Variants in EIF4B observed in about 807,000 individuals in gnomAD.
EIF4B encodes the protein eukaryotic translation initiation factor 4B.
In EIF4B, 8 loss-of-function variants were observed where a neutral mutation model predicts 79.3. That is an observed-to-expected ratio of 0.10 (90% confidence interval 0.06 to 0.18). The LOEUF is 0.18. Among genes scored for constraint, EIF4B ranks in the 10% least tolerant of loss-of-function variants. The pLI is 1.00. For missense variants in EIF4B, 515 were observed against 792.4 expected (o/e 0.65, Z 4.20); for synonymous variants, 238 against 274.7 (o/e 0.87, Z 1.32).
intron 8 of EIF4B, among the ~76,000 whole-genome samples, chr12:53,033,298 C>A (rs979013358): frequency 7.9e-5 from 12 of 151,096 alleles, no homozygotes; most frequent in Non-Finnish European, 1.3e-4. Context: ...GGATTACAGA[C>A]GTGAGCCACC....
At position 53,016,385 on chromosome 12, in the gene EIF4B, T is replaced by C; in HGVS notation, c.14-88T>C. 7 of 1,536,106 alleles carry C rather than the reference T, an allele frequency of 4.6e-6. No homozygotes were observed. In the East Asian group the frequency reaches 9.3e-5, roughly 21 times the overall value. ...TTGAGGAGCGTCCATGTTATTTCTT[T>C]CTAAATAATGTTTTACAATATTGCA... On this transcript the variant is annotated intron_variant, in intron 1 of 14. Coordinates refer to ENST00000262056, the MANE Select transcript of EIF4B (RefSeq NM_001417.7).
At chr12:53,016,057 G>C (rs1184716168) in intron 1 of EIF4B, among the ~76,000 whole-genome samples, 1 of 151,626 alleles carries the variant, frequency 6.6e-6, no homozygotes, top group East Asian at 1.9e-4. Flanking sequence ...CTTCAAAACT[G>C]CCATACTGAA....
At chr12:53,016,326 G>A in intron 1 of EIF4B, 147 bp from the exon 2 acceptor site, 1 of 1,017,044 alleles carries the variant, frequency 9.8e-7, no homozygotes, top group Non-Finnish European at 1.4e-6. Flanking sequence ...TGTCTGCATA[G>A]TACCCCTTCA....
intron 2 of EIF4B, 69 bp from the exon 3 acceptor site, chr12:53,018,729 G>A: frequency 6.4e-7 from 1 of 1,566,484 alleles, no homozygotes; most frequent in Non-Finnish European, 8.8e-7. Flanking sequence ...ATTAACATGG[G>A]TCCTCTTGTT....
chr12:53,038,369 G>T lies in EIF4B; in HGVS notation c.1534G>T (p.Val512Leu). The T allele has an allele frequency of 6.3e-7, 1 of 1,597,628 alleles. No individual in the cohort carries two copies. The highest frequency in any genetic ancestry group is 8.5e-7 in the Non-Finnish European group (1 of 1,171,548). The stretch of plus-strand genomic sequence containing the variant: ...TTTTCCTTCTAGTGGTGGGGGAAAA[G>T]TAGCTCCAGCTCAACCATCTGAGGA... Reference protein sequence around the residue: ...QQSPTSGGGKVAPAQPSEEGP... With the variant: ...QQSPTSGGGKLAPAQPSEEGP... Residue 512 changes from valine to leucine, a missense_variant, in exon 12 of 15, where the codon GTA becomes TTA. Val to Leu is a conservative substitution (Grantham distance 32). This residue lies in a region of EIF4B where 146 missense variants were observed against 228.0 expected (regional missense o/e 0.64). Transcript: ENST00000262056.
rs71095966 is a variant in EIF4B, at chr12:53,019,450, C to CTTTTTTTTTTTTTTTTTTTTTTTTTTT, written c.361-436_361-435insTTTTTTTTTTTTTTTTTTTTTTTTTTT. 7.6e-5 allele frequency among the ~76,000 whole-genome samples: 5 copies of CTTTTTTTTTTTTTTTTTTTTTTTTTTT among 66,002 alleles called. 1 individual carries two copies. The highest frequency in any genetic ancestry group is 1.6e-4 in the Non-Finnish European group (5 of 31,884). The allele number at this position is 66,002 out of a possible 152,430, so 43.3% of individuals were successfully genotyped here. A position where few individuals can be genotyped will look rare whatever the true frequency, so the allele number is the denominator to read the frequency against. ...ATATATATATATATTTTTTTTTTTT[C>CTTTTTTTTTTTTTTTTTTTTTTTTTTT]TTTTTTTTTTTTTTTTTTTTTTTTG... On this transcript the variant is annotated intron_variant, in intron 3 of 14. Transcript: ENST00000262056.
intron 1 of EIF4B, among the ~76,000 whole-genome samples, chr12:53,007,519 T>C (rs1187115721): frequency 6.6e-6 from 1 of 151,660 alleles, no homozygotes; most frequent in Non-Finnish European, 1.5e-5. Flanking sequence ...TGCTTACTTC[T>C]TTAGACAACC....
At chr12:53,027,323 G>A (rs4919717) in intron 6 of EIF4B, among the ~76,000 whole-genome samples, 120,042 of 150,212 alleles carry the variant, frequency 0.8, 50,278 homozygotes, top group Non-Finnish European at 0.93. Context: ...TAGTAGAGAC[G>A]GGGTTTCACC....
chr12:53,041,530 G>A lies in EIF4B; in HGVS notation c.*1307G>A, dbSNP rs370797475. On this transcript the variant is annotated 3_prime_UTR_variant, in exon 15 of 15. Transcript: ENST00000262056. ...TGTTGTTTTTTTAAGCTTCCCTTGAGAGAATAAATGGTAATGGAGAGAACT... is the reference window on the plus strand; with the variant it reads ...TGTTGTTTTTTTAAGCTTCCCTTGAAAGAATAAATGGTAATGGAGAGAACT... The A allele has an allele frequency of 1.3e-5, 2 of 151,650 alleles. No individual in the cohort carries two copies. The highest frequency in any genetic ancestry group is 3.9e-4 in the East Asian group (2 of 5,178). The allele number at this position is 151,650 out of a possible 1,614,324, so 9.4% of individuals were successfully genotyped here.
intron 1 of EIF4B, among the ~76,000 whole-genome samples, chr12:53,008,824 C>T (rs1341487368): frequency 6.6e-6 from 1 of 151,784 alleles, no homozygotes; most frequent in African/African-American, 2.4e-5. Flanking sequence ...ATCACTAGGT[C>T]AGGAGTTGGA....
At position 53,034,647 on chromosome 12, in the gene EIF4B, G is replaced by A. The variant is rs766914806; in HGVS notation, c.1244G>A (p.Arg415Gln). 5.6e-5 allele frequency: 90 copies of A among 1,613,858 alleles called. No homozygotes were observed. Among genetic ancestry groups the A allele is most frequent in the Admixed American group, 1.2e-4 (7 of 59,992 alleles). The change falls in exon 10 of 15, where the codon CGG becomes CAG. Residue 415 changes from arginine (R) to glutamine (Q), a missense_variant. By Grantham distance (43) the Arg-to-Gln change is conservative (BLOSUM62 1). This residue lies in a region of EIF4B where 146 missense variants were observed against 228.0 expected (regional missense o/e 0.64). Transcript: ENST00000262056. The part of the protein sequence containing the change: ...PSWRSEETQE[R>Q]ERSRTGSESS... Reference sequence around the variant, plus strand: ...TGGCGAAGTGAAGAAACTCAGGAACGGGAACGGTCGAGGACAGGAAGTGAG... The same window carrying A: ...TGGCGAAGTGAAGAAACTCAGGAACAGGAACGGTCGAGGACAGGAAGTGAG...
intron 1 of EIF4B, among the ~76,000 whole-genome samples, chr12:53,015,324 T>C (rs781643701): frequency 6.6e-6 from 1 of 152,218 alleles, no homozygotes; most frequent in Admixed American, 6.5e-5. Context: ...AATGTCTCTG[T>C]AACTTTACAG....
intron 6 of EIF4B, among the ~76,000 whole-genome samples, chr12:53,024,433 G>A (rs1441186179): frequency 6.6e-6 from 1 of 152,154 alleles, no homozygotes; most frequent in African/African-American, 2.4e-5. Context: ...AGCTACGCAT[G>A]GTAATTTAAC....
intron 6 of EIF4B, among the ~76,000 whole-genome samples, chr12:53,027,136 A>ATTCTTTTTTTTTTTTTTTTTTTT (rs777111413): frequency 3.4e-5 from 1 of 29,444 alleles, no homozygotes; most frequent in Non-Finnish European, 1.2e-4. Context: ...AAAAAAAAAA[A>ATTCTTTTTTTTTTTTTTTTTTTT]ATTTTTTTTT....
chr12:53,037,030 TGTTGAGTTTTAAGCTGAA>T (rs1438221076), intron 10 of EIF4B, among the ~76,000 whole-genome samples: 2 of 152,152 alleles, frequency 1.3e-5, no homozygotes. Flanking sequence ...AGTCCATGTG[TGTTGAGTTTTAAGCTGAA>T]GTTGAGCAGT....
chr12:53,035,104 G>A lies in EIF4B; in HGVS notation c.1306+395G>A, dbSNP rs144473140. The stretch of plus-strand genomic sequence containing the variant: ...TTGATGTTATCATCACCAGAGCAGT[G>A]TTCTCAAGCAGTGTTATTACTGGTT... On this transcript the variant is annotated intron_variant, in intron 10 of 14. Coordinates refer to ENST00000262056, the MANE Select transcript of EIF4B (RefSeq NM_001417.7). Among the ~76,000 whole-genome samples, 23 of 152,108 alleles carry A rather than the reference G, an allele frequency of 1.5e-4. No individual in the cohort carries two copies. The East Asian group carries it at 4.3e-3, about 28-fold the overall frequency.
intron 4 of EIF4B, among the ~76,000 whole-genome samples, chr12:53,021,396 T>C (rs1056599283): frequency 1.3e-5 from 2 of 152,170 alleles, no homozygotes; most frequent in East Asian, 3.8e-4. Context: ...GCCTCCCAAA[T>C]AGCTGAGACT....
intron 4 of EIF4B, 91 bp downstream of exon 4, chr12:53,020,117 C>A: frequency 1.0e-6 from 1 of 1,003,658 alleles, no homozygotes; most frequent in Non-Finnish European, 1.5e-6. Flanking sequence ...TTGAGAGGCT[C>A]ACTTCAAAGA....
At chr12:53,030,766 T>A (rs1943429444) in intron 8 of EIF4B, among the ~76,000 whole-genome samples, 1 of 152,130 alleles carries the variant, frequency 6.6e-6, no homozygotes, top group African/African-American at 2.4e-5. Flanking sequence ...AAATAATAGC[T>A]AACATTTATT....
Sources: gnomAD v4.1 joint callset for allele counts (sites outside exome capture counted in the v4.1 genomes callset) on GRCh38, gnomAD v4.1.1 for gene constraint, gnomAD v4.1.1 regional missense constraint, MANE v1.5 for transcripts, NCBI Gene and HGNC (gene_info 2026-07-23, HGNC 2026-07-21) for gene names.